The following NBEA variants were observed in gnomAD, a reference collection of about 807,000 sequenced individuals.
The protein encoded by NBEA is lysosomal-trafficking regulator 2.
A neutral mutation model predicts 343.4 loss-of-function variants in NBEA; 44 were observed. The observed-to-expected ratio is 0.13, with a 90% CI of 0.10 to 0.16. NBEA has a LOEUF of 0.16. Among genes scored for constraint, NBEA ranks in the 10% least tolerant of loss-of-function variants. The probability of loss-of-function intolerance (pLI) is 1.00; values close to 1 mark genes in which losing one functional copy is unlikely to be tolerated. For synonymous variants in NBEA, 1,175 were observed against 1,238.7 expected (o/e 0.95, Z 1.08); for missense variants, 2,555 against 3,631.3 (o/e 0.70, Z 7.62).
chr13:35,047,724 A>T (rs564841677), intron 4 of NBEA, among the ~76,000 whole-genome samples: 1 of 151,344 alleles, frequency 6.6e-6, no homozygotes, highest in Admixed American at 6.6e-5. Context: ...AGAAATTTAA[A>T]TTTTATTCTG....
At chr13:35,566,876 A>C (rs758508744) in intron 44 of NBEA, 29 bp from the exon 45 acceptor site, 13 of 1,315,638 alleles carry the variant, frequency 9.9e-6, no homozygotes, top group Non-Finnish European at 9.7e-6. Context: ...TTGTGTGTAC[A>C]AATTTTTATT....
intron 24 of NBEA, among the ~76,000 whole-genome samples, chr13:35,167,531 G>A (rs1054074280): frequency 6.6e-5 from 10 of 151,794 alleles, no homozygotes; most frequent in African/African-American, 2.2e-4. Context: ...GGGAGTTTCA[G>A]TTTTGCCCAG....
chr13:35,042,869 G>C (rs1324885672), intron 2 of NBEA, among the ~76,000 whole-genome samples: 2 of 151,684 alleles, frequency 1.3e-5, no homozygotes, highest in Non-Finnish European at 3.0e-5. Context: ...ACGACTAACA[G>C]TTCATATCTG....
At chr13:35,534,909 A>G (rs1297756674) in intron 41 of NBEA, among the ~76,000 whole-genome samples, 3 of 152,332 alleles carry the variant, frequency 2.0e-5, no homozygotes, top group Middle Eastern at 3.4e-3. Context: ...AATGAAACAA[A>G]TAAAAGGCAA....
chr13:35,592,797 G>T (rs1174718750), intron 46 of NBEA, among the ~76,000 whole-genome samples: 1 of 152,000 alleles, frequency 6.6e-6, no homozygotes, highest in Non-Finnish European at 1.5e-5. Flanking sequence ...TTTAAGCAGG[G>T]ATTTGCATTT....
intron 38 of NBEA, among the ~76,000 whole-genome samples, chr13:35,422,890 G>A (rs1198613921): frequency 1.3e-5 from 2 of 152,172 alleles, no homozygotes; most frequent in Non-Finnish European, 2.9e-5. Flanking sequence ...GCATTTCTCT[G>A]ATGGCCAGTG....
intron 52 of NBEA, among the ~76,000 whole-genome samples, chr13:35,651,593 C>A (rs77588721): frequency 0.093 from 14,149 of 152,110 alleles, 916 homozygotes; most frequent in African/African-American, 0.18. Flanking sequence ...CAAAACTCTT[C>A]CCAGCCTTGT....
At chr13:35,273,647 A>G (rs1040869067) in intron 34 of NBEA, among the ~76,000 whole-genome samples, 4 of 152,122 alleles carry the variant, frequency 2.6e-5, no homozygotes, top group African/African-American at 9.7e-5. Flanking sequence ...AGAGAGAAGA[A>G]TCAAATAGAT....
intron 41 of NBEA, among the ~76,000 whole-genome samples, chr13:35,493,829 C>CTTT (rs1405143155): frequency 6.6e-6 from 1 of 151,740 alleles, no homozygotes; most frequent in Non-Finnish European, 1.5e-5. Flanking sequence ...GCAGTTTTAC[C>CTTT]TTTAAAGGTG....
intron 40 of NBEA, among the ~76,000 whole-genome samples, chr13:35,454,298 A>G (rs1397666790): frequency 6.6e-6 from 1 of 152,194 alleles, no homozygotes; most frequent in East Asian, 1.9e-4. Context: ...AATAGTTACA[A>G]TGTTACATAA....
chr13:35,403,047 C>A (rs987238400), intron 38 of NBEA, among the ~76,000 whole-genome samples: 1 of 152,000 alleles, frequency 6.6e-6, no homozygotes, highest in Non-Finnish European at 1.5e-5. Flanking sequence ...AATCCATAAG[C>A]ATGTTTAACA....
chr13:35,429,254 C>A (rs1741898397), intron 38 of NBEA, among the ~76,000 whole-genome samples: 1 of 152,168 alleles, frequency 6.6e-6, no homozygotes, highest in African/African-American at 2.4e-5. Flanking sequence ...TACCACCCAG[C>A]AAGGGTGTTG....
intron 48 of NBEA, among the ~76,000 whole-genome samples, chr13:35,618,864 G>A (rs1311967507): frequency 6.6e-6 from 1 of 152,002 alleles, no homozygotes; most frequent in Non-Finnish European, 1.5e-5. Context: ...GATGTGCATT[G>A]ATAATCTCAT....
At position 35,554,719 on chromosome 13, in the gene NBEA, G is replaced by T. The variant is rs6563020; in HGVS notation, c.6807-268G>T. On this transcript the variant is annotated intron_variant, in intron 43 of 58. Coordinates refer to ENST00000379939, the MANE Select transcript of NBEA (RefSeq NM_001385012.1). ...AGTATAGTTTTACTTTTTTTCTTGT[G>T]GATTTGTGACTCATTTGCAGCTGTG... is the stretch of plus-strand genomic sequence containing the variant. Among the ~76,000 whole-genome samples the T allele has an allele frequency of 0.98, 148,777 of 152,302 alleles. 72,743 individuals carry two copies. The highest frequency in any genetic ancestry group is 1 in the East Asian group (5,188 of 5,188).
chr13:35,643,636 A>G (rs1198191104), intron 49 of NBEA, among the ~76,000 whole-genome samples: 2 of 152,194 alleles, frequency 1.3e-5, no homozygotes, highest in Non-Finnish European at 2.9e-5. Flanking sequence ...TGTGTGTTAA[A>G]ATCTATAGTA....
intron 34 of NBEA, among the ~76,000 whole-genome samples, chr13:35,244,766 T>A (rs2152781317): frequency 6.6e-6 from 1 of 152,236 alleles, no homozygotes; most frequent in East Asian, 1.9e-4. Context: ...GGGATGTGTT[T>A]TTGTTTGTTT....
chr13:35,206,258 T>A (rs1215458286), intron 31 of NBEA, among the ~76,000 whole-genome samples: 1 of 152,178 alleles, frequency 6.6e-6, no homozygotes, highest in Non-Finnish European at 1.5e-5. Flanking sequence ...AGAGAGCTTT[T>A]GCTCAAAGTT....
chr13:35,627,354 A>G (rs1176446842), intron 48 of NBEA, among the ~76,000 whole-genome samples: 1 of 152,110 alleles, frequency 6.6e-6, no homozygotes, highest in Non-Finnish European at 1.5e-5. Flanking sequence ...ATCACTACTT[A>G]TTTCACGGAC....
chr13:35,308,464 A>ATGTG (rs1566596995), intron 35 of NBEA, among the ~76,000 whole-genome samples: 2 of 120,800 alleles, frequency 1.7e-5, no homozygotes, highest in African/African-American at 6.9e-5. Context: ...ATATATATAT[A>ATGTG]TATATATATG....
Sources: allele counts gnomAD v4.1 joint callset (sites outside exome capture counted in the v4.1 genomes callset), GRCh38; gene constraint gnomAD v4.1.1; transcripts MANE v1.5; gene names NCBI Gene and HGNC (gene_info 2026-07-23, HGNC 2026-07-21).